ERG: variants seen among roughly 807,000 people sequenced by gnomAD.
ERG encodes the protein transcriptional regulator ERG.
ERG carries 9 observed loss-of-function variants against 55.3 expected under a neutral mutation model. The observed-to-expected ratio is 0.16, with a 90% CI of 0.10 to 0.28. ERG has a LOEUF of 0.28. ERG is among the 10% of genes least tolerant of loss of function. ERG has a pLI of 1.00. For missense variants in ERG, 434 were observed against 631.6 expected, an observed-to-expected ratio of 0.69 and a Z score of 3.35; for synonymous variants, 223 against 237.3, an observed-to-expected ratio of 0.94 and a Z score of 0.55.
chr21:38,641,529 A>G (rs1217139647), intron 1 of ERG, among the ~76,000 whole-genome samples: 1 of 152,218 alleles, frequency 6.6e-6, no homozygotes, highest in African/African-American at 2.4e-5. Flanking sequence ...AGTCTCACTA[A>G]AGCAACCGGA....
intron 1 of ERG, among the ~76,000 whole-genome samples, chr21:38,452,284 C>T (rs977441752): frequency 6.6e-6 from 1 of 152,188 alleles, no homozygotes; most frequent in Non-Finnish European, 1.5e-5. Flanking sequence ...TACATATGTA[C>T]ACATATACAT....
chr21:38,434,392 C>T (rs1441136764), intron 2 of ERG, among the ~76,000 whole-genome samples: 1 of 152,182 alleles, frequency 6.6e-6, no homozygotes, highest in Non-Finnish European at 1.5e-5. Flanking sequence ...CTGCCCTATT[C>T]ACCTGTTCAC....
Position 38,604,020 on chromosome 21 carries a change from G to A in ERG, c.-149-19075C>T, listed in dbSNP as rs62217490. ...TCCCAGCCCTTCAGGGGGCCGAGGC[G>A]GGCGGATCATGAGGTCAGGAGTTCG... On this transcript the variant is annotated intron_variant, in intron 1 of 10. Coordinates refer to the ERG transcript ENST00000398910. 5.7e-3 allele frequency among the ~76,000 whole-genome samples: 869 copies of A among 152,038 alleles called. 2 individuals are homozygous for A. Among genetic ancestry groups the A allele is most frequent in the Non-Finnish European group, 9.6e-3 (654 of 67,992 alleles).
chr21:38,455,118 CT>C (rs34764983), intron 1 of ERG, among the ~76,000 whole-genome samples: 11,803 of 104,636 alleles, frequency 0.11, 501 homozygotes, highest in South Asian at 0.16. Context: ...TTCTTTCTTT[CT>C]TTTTTTTTTT....
chr21:38,582,905 G>A (rs182431288), intron 1 of ERG, among the ~76,000 whole-genome samples: 1 of 152,244 alleles, frequency 6.6e-6, no homozygotes, highest in Admixed American at 6.5e-5. Context: ...TGCTACCATG[G>A]CTGGCTAATT....
intron 2 of ERG, among the ~76,000 whole-genome samples, chr21:38,428,180 C>A (rs376111536): frequency 2.0e-4 from 29 of 144,882 alleles, no homozygotes; most frequent in South Asian, 8.8e-4. Context: ...AACCGTGTCT[C>A]AAAAAAAAAA....
intron 2 of ERG, among the ~76,000 whole-genome samples, chr21:38,557,011 C>T (rs1010864745): frequency 2.0e-5 from 3 of 152,156 alleles, no homozygotes; most frequent in Non-Finnish European, 2.9e-5. Flanking sequence ...CTAGAGTAGC[C>T]GTCACATAGA....
chr21:38,635,656 T>C (rs759831264), intron 1 of ERG, among the ~76,000 whole-genome samples: 1 of 152,204 alleles, frequency 6.6e-6, no homozygotes, highest in African/African-American at 2.4e-5. Flanking sequence ...AGCACAATTA[T>C]TGAGCATAAA....
intron 5 of ERG, 52 bp from the exon 6 acceptor site, chr21:38,400,697 G>C: frequency 7.2e-7 from 1 of 1,382,848 alleles, no homozygotes. Context: ...TGTGGTTGTC[G>C]ATCTCAACAT....
At chr21:38,580,021 C>A (rs934478993) in intron 1 of ERG, among the ~76,000 whole-genome samples, 2 of 152,162 alleles carry the variant, frequency 1.3e-5, no homozygotes, top group African/African-American at 2.4e-5. Context: ...GGGATTTCAC[C>A]GTGTTAGCCA....
At chr21:38,588,989 C>T (rs115067635), upstream of ERG, among the ~76,000 whole-genome samples, 93 of 152,236 alleles carry the variant, frequency 6.1e-4, no homozygotes, top group African/African-American at 2.1e-3. Flanking sequence ...TCTCAGCCTC[C>T]CAAAGTGCTT....
intron 9 of ERG, among the ~76,000 whole-genome samples, chr21:38,388,155 G>A (rs1427911143): frequency 2.6e-5 from 4 of 152,198 alleles, no homozygotes; most frequent in Admixed American, 6.5e-5. Context: ...CCATTGAAGA[G>A]TATCCAGTTA....
chr21:38,444,078 C>T (rs1288815175), intron 2 of ERG, among the ~76,000 whole-genome samples: 1 of 152,234 alleles, frequency 6.6e-6, no homozygotes, highest in Non-Finnish European at 1.5e-5. Flanking sequence ...CTCTAGGACA[C>T]TGTGACTTGG....
exon 2 of ERG, chr21:38,575,745 C>A (rs371363525): frequency 1.1e-5 from 18 of 1,612,224 alleles, no homozygotes; most frequent in Non-Finnish European, 1.4e-5. Context: ...CAGAACCTGA[C>A]GGCTAGAAGA....
At chr21:38,522,728 G>A (rs995967581) in intron 2 of ERG, among the ~76,000 whole-genome samples, 1 of 152,112 alleles carries the variant, frequency 6.6e-6, no homozygotes, top group Non-Finnish European at 1.5e-5. Context: ...TTCAGTAGAG[G>A]TCCTGTCTCA....
At chr21:38,524,856 G>T (rs556672718) in intron 2 of ERG, among the ~76,000 whole-genome samples, 1 of 152,306 alleles carries the variant, frequency 6.6e-6, no homozygotes, top group African/African-American at 2.4e-5. Flanking sequence ...TTCATCCTGA[G>T]CATTGGTGAG....
At chr21:38,525,021 A>G (rs1396018834) in intron 2 of ERG, among the ~76,000 whole-genome samples, 1 of 152,234 alleles carries the variant, frequency 6.6e-6, no homozygotes, top group African/African-American at 2.4e-5. Context: ...CCATCTTAGA[A>G]GCGGGTGCTG....
At chr21:38,659,419 G>C (rs2060538612) in intron 1 of ERG, among the ~76,000 whole-genome samples, 1 of 152,246 alleles carries the variant, frequency 6.6e-6, no homozygotes, top group South Asian at 2.1e-4. Flanking sequence ...GCTCTGGCCT[G>C]CCCCGGGAGC....
intron 3 of ERG, among the ~76,000 whole-genome samples, chr21:38,410,314 GCCTT>G (rs2146473233): frequency 6.6e-6 from 1 of 152,280 alleles, no homozygotes; most frequent in Admixed American, 6.5e-5. Flanking sequence ...TTCATTTTCA[GCCTT>G]CCATTCCAAT....
Sources: gnomAD v4.1 joint callset for allele counts (sites outside exome capture counted in the v4.1 genomes callset) on GRCh38, gnomAD v4.1.1 for gene constraint, MANE v1.5 for transcripts, NCBI Gene and HGNC (gene_info 2026-07-23, HGNC 2026-07-21) for gene names.